Variants in RETREG1 observed in about 807,000 individuals in gnomAD.
RETREG1 encodes the protein family with sequence similarity 134 member B.
A neutral mutation model predicts 54.8 loss-of-function variants in RETREG1; 44 were observed. The ratio of observed to expected loss-of-function variants is 0.80; its 90% CI spans 0.63 to 1.03. The LOEUF (loss-of-function observed/expected upper bound fraction) is 1.03, where lower values mean the gene tolerates loss of function less well. Ranked by LOEUF, RETREG1 falls within the 50% of genes least tolerant of loss-of-function variation. The pLI is 0.00. For missense variants in RETREG1, 554 were observed against 605.1 expected, an observed-to-expected ratio of 0.92 and a Z score of 0.89; for synonymous variants, 217 against 238.5, an observed-to-expected ratio of 0.91 and a Z score of 0.83.
chr5:16,543,292 T>A (rs1741297768), intron 3 of RETREG1, among the ~76,000 whole-genome samples: 1 of 152,206 alleles, frequency 6.6e-6, no homozygotes, highest in Non-Finnish European at 1.5e-5. Context: ...AACATTTACA[T>A]GCGGACCTGT....
At chr5:16,579,877 C>T (rs747065651) in intron 1 of RETREG1, among the ~76,000 whole-genome samples, 11 of 152,114 alleles carry the variant, frequency 7.2e-5, no homozygotes, top group Non-Finnish European at 1.5e-4. Context: ...TGGTTGCTTC[C>T]AATTTTTGGC....
Position 16,585,500 on chromosome 5 carries a change from T to C in RETREG1, c.321-13398A>G, listed in dbSNP as rs604535. Among the ~76,000 whole-genome samples, 10,011 of 152,152 alleles carry C rather than the reference T, an allele frequency of 0.066. 364 individuals are homozygous for C. Among genetic ancestry groups the C allele is most frequent in the African/African-American group, 0.11 (4,414 of 41,504 alleles). ...TCCTTAGCTCCACCTAGTGTATAAA[T>C]TGAATACCTGCCCACTCCTATTCCA... On this transcript the variant is annotated intron_variant, in intron 1 of 8. Transcript: ENST00000306320. This position sits in a 1 kb window ranked among gnomAD's most constrained non-coding sequence, Gnocchi z 4.5.
Position 16,579,169 on chromosome 5 carries a change from C to T in RETREG1, c.321-7067G>A, listed in dbSNP as rs569029535. 5.3e-5 allele frequency among the ~76,000 whole-genome samples: 8 copies of T among 152,286 alleles called. No homozygotes were observed. The East Asian group carries it at 7.7e-4, about 15-fold the overall frequency. ...AGAACCAAATGCAGGATAAATAGCA[C>T]AGCTGATTTTCAGTGAGCACAGGAC... On this transcript the variant is annotated intron_variant, in intron 1 of 8. Transcript: ENST00000306320.
At chr5:16,491,562 C>T (rs1203771248) in intron 3 of RETREG1, among the ~76,000 whole-genome samples, 3 of 152,110 alleles carry the variant, frequency 2.0e-5, no homozygotes, top group South Asian at 2.1e-4. Flanking sequence ...CTATACATTA[C>T]GTGTTGGTAA....
At chr5:16,568,369 T>C (rs1742078039) in intron 2 of RETREG1, among the ~76,000 whole-genome samples, 1 of 151,926 alleles carries the variant, frequency 6.6e-6, no homozygotes, top group African/African-American at 2.4e-5. Flanking sequence ...CCTCCTGGGT[T>C]CAAGTGATTC....
At chr5:16,587,046 A>G (rs1742642564) in intron 1 of RETREG1, among the ~76,000 whole-genome samples, 1 of 152,126 alleles carries the variant, frequency 6.6e-6, no homozygotes, top group South Asian at 2.1e-4. Context: ...CTCTCATCAC[A>G]TTGGTGATGG....
In RETREG1 at chr5:16,597,178, C is replaced by T. The variant is rs1742920895; in HGVS notation, c.320+19474G>A. On this transcript the variant is annotated intron_variant, in intron 1 of 8. Transcript: ENST00000306320. The surrounding 1 kb of genome is among the most constrained non-coding windows in gnomAD (Gnocchi z 4.3). ...CCCAGGTGTAAAACAGTTGCAACCA[C>T]ACAAGTGTGGCTGTGTGCCCCTGGC... Among the ~76,000 whole-genome samples, 1 of 152,204 alleles carries T rather than the reference C, an allele frequency of 6.6e-6. No individual in the cohort carries two copies.
At chr5:16,503,300 T>C (rs1238227971) in intron 3 of RETREG1, among the ~76,000 whole-genome samples, 1 of 152,172 alleles carries the variant, frequency 6.6e-6, no homozygotes, top group Non-Finnish European at 1.5e-5. Flanking sequence ...CAAAATAGGA[T>C]TTCAAAAGTG....
chr5:16,588,695 G>A (rs1032778319), intron 1 of RETREG1, among the ~76,000 whole-genome samples: 29 of 152,196 alleles, frequency 1.9e-4, no homozygotes, highest in South Asian at 2.1e-4. Flanking sequence ...ATATCTGAAC[G>A]AGCTGTAAGA....
intron 3 of RETREG1, among the ~76,000 whole-genome samples, chr5:16,525,951 G>A (rs182144396): frequency 6.6e-6 from 1 of 152,282 alleles, no homozygotes; most frequent in East Asian, 1.9e-4. Flanking sequence ...CTGGGTCCTT[G>A]CTCTTAAGGC....
At chr5:16,528,160 C>T (rs1191524482) in intron 3 of RETREG1, among the ~76,000 whole-genome samples, 2 of 152,016 alleles carry the variant, frequency 1.3e-5, no homozygotes, top group Non-Finnish European at 2.9e-5. Flanking sequence ...GTGAAGACAA[C>T]GTGTTCCGGA....
intron 2 of RETREG1, among the ~76,000 whole-genome samples, chr5:16,570,845 A>T (rs1434416193): frequency 6.6e-6 from 1 of 152,298 alleles, no homozygotes; most frequent in Admixed American, 6.5e-5. Flanking sequence ...TGAAACAGAA[A>T]AAAGGAAAGT....
intron 3 of RETREG1, among the ~76,000 whole-genome samples, chr5:16,554,867 G>A (rs372459780): frequency 4.6e-5 from 7 of 152,196 alleles, no homozygotes; most frequent in Admixed American, 2.0e-4. Flanking sequence ...ACACAAGCCC[G>A]GGCCTTGGGG....
At chr5:16,475,477 C>T (rs1166806642) in intron 8 of RETREG1, among the ~76,000 whole-genome samples, 1 of 152,148 alleles carries the variant, frequency 6.6e-6, no homozygotes, top group African/African-American at 2.4e-5. Flanking sequence ...CTCTTAAGCA[C>T]AAAACAGTGT....
chr5:16,563,472 C>G (rs558931144), intron 3 of RETREG1, among the ~76,000 whole-genome samples: 2 of 152,168 alleles, frequency 1.3e-5, no homozygotes, highest in African/African-American at 4.8e-5. Flanking sequence ...ATTGCCCAGG[C>G]TGGTCTCAAA....
chr5:16,533,903 C>T (rs1740984084), intron 3 of RETREG1, among the ~76,000 whole-genome samples: 1 of 152,128 alleles, frequency 6.6e-6, no homozygotes, highest in Non-Finnish European at 1.5e-5. Context: ...CAGAATAGAT[C>T]ACTTTAAGCC....
At chr5:16,486,162 C>T (rs26379) in intron 3 of RETREG1, among the ~76,000 whole-genome samples, 107,429 of 152,070 alleles carry the variant, frequency 0.71, 38,386 homozygotes, top group African/African-American at 0.8. Flanking sequence ...TGTGTACAAC[C>T]TGAAAATAAT....
rs1349821945 is a variant in RETREG1 at position 16,616,853 on chromosome 5, T to G, written c.119A>C (p.Gln40Pro). ...CCCAGCTTCCTGCGCTTCCTCCTCC[T>G]GCTGCTGCCGCTCTGCGGGGGATGC... The part of the protein sequence containing the change: ...PQASPAERQQ[Q>P]EEEAQEAGAA... Residue 40 changes from glutamine (Q) to proline (P), a missense_variant, in exon 1 of 9, where the codon CAG becomes CCG. By Grantham distance (76) the Gln-to-Pro change is moderately conservative (BLOSUM62 -1). This residue lies in a region of RETREG1 where 175 missense variants were observed against 142.1 expected (regional missense o/e 1.23). Transcript: ENST00000306320. 2 of 1,510,110 alleles carry G rather than the reference T, an allele frequency of 1.3e-6. No individual in the cohort carries two copies. Among genetic ancestry groups the G allele is most frequent in the Non-Finnish European group, 1.8e-6 (2 of 1,136,920 alleles). 93.5% of individuals were successfully genotyped at this position (1,510,110 alleles called of 1,614,324 possible). A position where few individuals can be genotyped will look rare whatever the true frequency, so the allele number is the denominator to read the frequency against.
intron 3 of RETREG1, chr5:16,509,214 C>G: frequency 5.8e-6 from 1 of 171,952 alleles, no homozygotes; most frequent in Non-Finnish European, 1.2e-5. Flanking sequence ...GTTTGGAGAA[C>G]GCCTAGCCAC....
Sources: gnomAD v4.1 joint callset for allele counts (sites outside exome capture counted in the v4.1 genomes callset) on GRCh38, gnomAD v4.1.1 for gene constraint, gnomAD v4.1.1 regional missense constraint, Gnocchi (gnomAD v3.1) non-coding constraint, MANE v1.5 for transcripts, NCBI Gene and HGNC (gene_info 2026-07-23, HGNC 2026-07-21) for gene names.